CHN2: variants seen among roughly 807,000 people sequenced by gnomAD.
CHN2 encodes the protein beta-chimaerin.
CHN2 carries 35 observed loss-of-function variants against 56.3 expected under a neutral mutation model. The ratio of observed to expected loss-of-function variants is 0.62; its 90% CI spans 0.47 to 0.82. The LOEUF (loss-of-function observed/expected upper bound fraction) is 0.82. Among genes scored for constraint, CHN2 ranks in the 40% least tolerant of loss-of-function variants. CHN2 has a pLI of 0.00. For synonymous variants in CHN2, 210 were observed against 212.8 expected (o/e 0.99, Z 0.12); for missense variants, 491 against 580.5 (o/e 0.85, Z 1.58).
intron 1 of CHN2, among the ~76,000 whole-genome samples, chr7:29,339,451 C>T (rs1796870732): frequency 6.6e-6 from 1 of 152,200 alleles, no homozygotes; most frequent in Middle Eastern, 3.4e-3. Context: ...GGAGAGCTTT[C>T]GATATTAGCC....
chr7:29,390,796 G>A (rs1192677475), intron 3 of CHN2, among the ~76,000 whole-genome samples: 2 of 152,150 alleles, frequency 1.3e-5, no homozygotes, highest in African/African-American at 4.8e-5. Context: ...ACTGCTGGGG[G>A]CACAGCACGG....
intron 3 of CHN2, among the ~76,000 whole-genome samples, chr7:29,381,945 G>T (rs760338898): frequency 5.9e-5 from 9 of 151,600 alleles, no homozygotes; most frequent in Non-Finnish European, 1.0e-4. Context: ...AAGCAAGACT[G>T]ACAGACCTTG....
chr7:29,374,982 G>T (rs1332368541), intron 3 of CHN2, among the ~76,000 whole-genome samples: 1 of 150,888 alleles, frequency 6.6e-6, no homozygotes, highest in African/African-American at 2.4e-5. Flanking sequence ...CCGCCTCCCA[G>T]GTTCAAGCGA....
At chr7:29,169,164 C>G (rs1325360067) in intron 2 of CHN2, among the ~76,000 whole-genome samples, 1 of 151,974 alleles carries the variant, frequency 6.6e-6, no homozygotes, top group African/African-American at 2.4e-5. Context: ...TCTAGGTGGT[C>G]TATGCATTGT....
At chr7:29,317,541 G>A (rs1443912366) in intron 1 of CHN2, among the ~76,000 whole-genome samples, 1 of 152,200 alleles carries the variant, frequency 6.6e-6, no homozygotes, top group South Asian at 2.1e-4. Flanking sequence ...AAAGTCTCCA[G>A]GTGATATACA....
chr7:29,482,022 A>G (rs955871416), intron 7 of CHN2, among the ~76,000 whole-genome samples: 2 of 152,226 alleles, frequency 1.3e-5, no homozygotes. Flanking sequence ...ATGGAAAATT[A>G]ATCTTAAGAC....
chr7:29,164,326 TATTTTA>T (rs1795606381), intron 2 of CHN2, among the ~76,000 whole-genome samples: 1 of 152,218 alleles, frequency 6.6e-6, no homozygotes, highest in Non-Finnish European at 1.5e-5. Context: ...TTTTGCACAG[TATTTTA>T]ATTAGGTTGT....
At position 29,213,472 on chromosome 7, in the gene CHN2, G is replaced by A. The variant is rs1480387419; in HGVS notation, c.49+18482G>A. Among the ~76,000 whole-genome samples the A allele has an allele frequency of 2.0e-5, 3 of 152,164 alleles. No homozygotes were observed. In the East Asian group the frequency reaches 5.8e-4, roughly 29 times the overall value. ...CTTGGCTACTAAGGACAACATGATA[G>A]AAGCTGTCTCTGGCTATAGATAAGT... On this transcript the variant is annotated intron_variant, in intron 1 of 12. Coordinates refer to ENST00000222792, the MANE Select transcript of CHN2 (RefSeq NM_004067.4).
intron 2 of CHN2, chr7:29,184,277 A>G (rs189278680): frequency 1.3e-5 from 2 of 150,890 alleles, no homozygotes; most frequent in Admixed American, 1.3e-4. Context: ...GTGGATATAT[A>G]TGATATATAT....
intron 2 of CHN2, among the ~76,000 whole-genome samples, chr7:29,165,332 T>C (rs1795773368): frequency 1.3e-5 from 2 of 152,344 alleles, no homozygotes; most frequent in Middle Eastern, 6.8e-3. Flanking sequence ...GATTGATCTT[T>C]ACTACTGTAT....
intron 2 of CHN2, among the ~76,000 whole-genome samples, chr7:29,356,852 A>G (rs1418246535): frequency 1.3e-5 from 2 of 152,212 alleles, no homozygotes; most frequent in African/African-American, 2.4e-5. Flanking sequence ...CTCTGACAGT[A>G]AATCAACAGA....
intron 1 of CHN2, among the ~76,000 whole-genome samples, chr7:29,258,481 C>T (rs1051401841): frequency 1.3e-5 from 2 of 152,192 alleles, no homozygotes; most frequent in Non-Finnish European, 2.9e-5. Flanking sequence ...CTCGCCTCAT[C>T]TTCTGTTTTC....
intron 1 of CHN2, among the ~76,000 whole-genome samples, chr7:29,241,882 A>G (rs534450588): frequency 2.6e-5 from 4 of 152,310 alleles, no homozygotes; most frequent in Non-Finnish European, 4.4e-5. Flanking sequence ...CCCAAAATTT[A>G]TGCCAAGAGG....
At chr7:29,347,060 C>G (rs1451581035) in intron 1 of CHN2, among the ~76,000 whole-genome samples, 1 of 152,122 alleles carries the variant, frequency 6.6e-6, no homozygotes, top group Non-Finnish European at 1.5e-5. Flanking sequence ...TGCTTCCCTG[C>G]AAATGCATAC....
chr7:29,239,713 G>A (rs1787503420), intron 1 of CHN2, among the ~76,000 whole-genome samples: 1 of 152,128 alleles, frequency 6.6e-6, no homozygotes, highest in African/African-American at 2.4e-5. Flanking sequence ...CCTGGCCTCA[G>A]TGCTTGGATT....
At chr7:29,353,667 G>A (rs1798062230) in intron 1 of CHN2, among the ~76,000 whole-genome samples, 1 of 152,150 alleles carries the variant, frequency 6.6e-6, no homozygotes, top group Non-Finnish European at 1.5e-5. Flanking sequence ...TAACAGGACA[G>A]GAACACAAGG....
intron 2 of CHN2, among the ~76,000 whole-genome samples, chr7:29,364,145 A>G (rs1798956466): frequency 6.6e-6 from 1 of 152,128 alleles, no homozygotes; most frequent in African/African-American, 2.4e-5. Flanking sequence ...ACACAAAGTT[A>G]TTTTTTCTGG....
At chr7:29,158,187 A>G (rs185804642) in intron 2 of CHN2, among the ~76,000 whole-genome samples, 3 of 152,336 alleles carry the variant, frequency 2.0e-5, no homozygotes, top group South Asian at 2.1e-4. Context: ...TAAGAAGAGC[A>G]TGAGTTCCGG....
chr7:29,364,811 A>G (rs1312640407), intron 2 of CHN2, among the ~76,000 whole-genome samples: 1 of 152,214 alleles, frequency 6.6e-6, no homozygotes, highest in Non-Finnish European at 1.5e-5. Flanking sequence ...TAAAGTATAC[A>G]TTGAGGAATC....
Sources: gnomAD v4.1 joint callset for allele counts (sites outside exome capture counted in the v4.1 genomes callset) on GRCh38, gnomAD v4.1.1 for gene constraint, MANE v1.5 for transcripts, NCBI Gene and HGNC (gene_info 2026-07-23, HGNC 2026-07-21) for gene names.